MED27: variants seen among roughly 807,000 people sequenced by gnomAD.
The protein encoded by MED27 is mediator complex subunit 27.
MED27 carries 30 observed loss-of-function variants against 38.2 expected under a neutral mutation model. That is an observed-to-expected ratio of 0.79 (90% CI 0.59 to 1.07). The LOEUF (loss-of-function observed/expected upper bound fraction) is 1.07. Ranked by LOEUF, MED27 falls within the 50% of genes least tolerant of loss-of-function variation. The probability of loss-of-function intolerance (pLI) is 0.00; values close to 1 mark genes in which losing one functional copy is unlikely to be tolerated. For synonymous variants in MED27, 122 were observed against 153.5 expected (o/e 0.79, Z 1.52); for missense variants, 289 against 397.5 (o/e 0.73, Z 2.32).
chr9:131,909,957 A>G (rs1830157564), intron 4 of MED27, among the ~76,000 whole-genome samples: 2 of 152,248 alleles, frequency 1.3e-5, no homozygotes, highest in African/African-American at 4.8e-5. Flanking sequence ...AATTTTAAAT[A>G]AATTAAACTC....
chr9:131,912,286 A>C (rs1368863326), intron 4 of MED27, among the ~76,000 whole-genome samples: 1 of 152,228 alleles, frequency 6.6e-6, no homozygotes, highest in African/African-American at 2.4e-5. Flanking sequence ...AACTAAGGAA[A>C]GTGCTTAGCT....
At chr9:131,983,954 C>T (rs928698058) in intron 3 of MED27, among the ~76,000 whole-genome samples, 1 of 152,166 alleles carries the variant, frequency 6.6e-6, no homozygotes, top group Non-Finnish European at 1.5e-5. Context: ...ACTGATCCAG[C>T]TGTATTTGAT....
At chr9:132,076,326 G>A (rs967162106) in intron 2 of MED27, among the ~76,000 whole-genome samples, 2 of 151,844 alleles carry the variant, frequency 1.3e-5, no homozygotes, top group African/African-American at 4.8e-5. Flanking sequence ...CCAGAGTTTT[G>A]GGGAAAGGCT....
At position 132,021,829 on chromosome 9, in the gene MED27, C is replaced by A. The variant is rs948517338; in HGVS notation, c.349-7362G>T. Among the ~76,000 whole-genome samples, 28 of 152,242 alleles carry A rather than the reference C, an allele frequency of 1.8e-4. 1 individual carries two copies. Among genetic ancestry groups the A allele is most frequent in the African/African-American group, 6.3e-4 (26 of 41,528 alleles). Reference sequence around the variant, plus strand: ...TATAGGAAGAGGAAGAGGAAGAGATCAGATTTCTCTCTCTCCACCATGTGA... The same window carrying A: ...TATAGGAAGAGGAAGAGGAAGAGATAAGATTTCTCTCTCTCCACCATGTGA... On this transcript the variant is annotated intron_variant, in intron 2 of 7. Transcript: ENST00000292035.
chr9:132,002,923 AAAAAAG>A (rs979698714), intron 3 of MED27, among the ~76,000 whole-genome samples: 2 of 151,228 alleles, frequency 1.3e-5, no homozygotes, highest in Non-Finnish European at 3.0e-5. Flanking sequence ...TGTCTCAAAA[AAAAAAG>A]AAAAAAGAAA....
chr9:132,040,664 T>C (rs1203128771), intron 2 of MED27, among the ~76,000 whole-genome samples: 1 of 152,192 alleles, frequency 6.6e-6, no homozygotes, highest in Non-Finnish European at 1.5e-5. Context: ...GTCAAGGACA[T>C]GAAGGTCCCA....
chr9:132,030,462 A>T (rs1258313043), intron 2 of MED27, among the ~76,000 whole-genome samples: 1 of 152,208 alleles, frequency 6.6e-6, no homozygotes, highest in Non-Finnish European at 1.5e-5. Flanking sequence ...AAGAAAGGCC[A>T]GTCCTTTCTT....
chr9:131,985,233 C>G (rs551290853), intron 3 of MED27, among the ~76,000 whole-genome samples: 32 of 152,226 alleles, frequency 2.1e-4, no homozygotes, highest in Admixed American at 4.6e-4. Flanking sequence ...ACTCTGGCAT[C>G]CCCTTTCTTT....
At chr9:132,038,484 G>A (rs1324968318) in intron 2 of MED27, among the ~76,000 whole-genome samples, 2 of 150,694 alleles carry the variant, frequency 1.3e-5, no homozygotes, top group Non-Finnish European at 1.5e-5. Flanking sequence ...GAGCCACCGC[G>A]CCCGGCCGCC....
chr9:131,983,607 C>T (rs1831787240), intron 3 of MED27, among the ~76,000 whole-genome samples: 1 of 152,166 alleles, frequency 6.6e-6, no homozygotes, highest in Admixed American at 6.5e-5. Context: ...TAAAAATGTG[C>T]ATTTCAGGCA....
intron 3 of MED27, among the ~76,000 whole-genome samples, chr9:131,950,024 C>G (rs1182493003): frequency 6.6e-6 from 1 of 151,980 alleles, no homozygotes; most frequent in Non-Finnish European, 1.5e-5. Flanking sequence ...TACAAATTTA[C>G]TCAGGTATCT....
At chr9:131,977,173 G>A (rs187270246) in intron 3 of MED27, among the ~76,000 whole-genome samples, 25 of 152,236 alleles carry the variant, frequency 1.6e-4, no homozygotes, top group African/African-American at 2.6e-4. Flanking sequence ...CAGGAACTCC[G>A]CGTGTGCCAC....
At chr9:132,068,727 G>A (rs1833864953) in intron 2 of MED27, among the ~76,000 whole-genome samples, 1 of 151,730 alleles carries the variant, frequency 6.6e-6, no homozygotes, top group African/African-American at 2.4e-5. Flanking sequence ...TTTCAGTTCT[G>A]GACTGCTTCA....
rs541294965 is a variant in MED27, at chr9:131,934,738, A to G, written c.573+4643T>C. On this transcript the variant is annotated intron_variant, in intron 4 of 7. Transcript: ENST00000292035. ...TATACCCAAAAGAAAGGAAACCAGT[A>G]TATCAAAGAGATAGCTGCACCCCCA... Among the ~76,000 whole-genome samples, 13 of 152,366 alleles carry G rather than the reference A, an allele frequency of 8.5e-5. No individual in the cohort carries two copies. The South Asian group carries it at 2.7e-3, about 32-fold the overall frequency.
intron 3 of MED27, among the ~76,000 whole-genome samples, chr9:131,968,595 G>A (rs1420503639): frequency 6.6e-6 from 1 of 152,082 alleles, no homozygotes. Context: ...TCATTACTAA[G>A]GGGCAGAGAT....
chr9:131,933,197 G>C (rs752923331), intron 4 of MED27, among the ~76,000 whole-genome samples: 6 of 152,090 alleles, frequency 3.9e-5, no homozygotes, highest in Non-Finnish European at 8.8e-5. Flanking sequence ...TTTCCTCTAT[G>C]ATTTAGAACA....
At chr9:131,999,299 C>T (rs755923475) in intron 3 of MED27, among the ~76,000 whole-genome samples, 7 of 152,090 alleles carry the variant, frequency 4.6e-5, no homozygotes, top group African/African-American at 9.7e-5. Context: ...GCCGGGTCCA[C>T]GAAAAAGTTC....
At chr9:131,927,716 G>A (rs1830507934) in intron 4 of MED27, among the ~76,000 whole-genome samples, 1 of 152,136 alleles carries the variant, frequency 6.6e-6, no homozygotes. Context: ...ACAAAAAGCT[G>A]GTTTGGCTTT....
chr9:132,071,690 A>T (rs1833942031), intron 2 of MED27, among the ~76,000 whole-genome samples: 1 of 151,990 alleles, frequency 6.6e-6, no homozygotes, highest in Non-Finnish European at 1.5e-5. Context: ...ACACGTGTAT[A>T]CGAGTAACAC....
Sources: gnomAD v4.1 joint callset for allele counts (sites outside exome capture counted in the v4.1 genomes callset) on GRCh38, gnomAD v4.1.1 for gene constraint, MANE v1.5 for transcripts, NCBI Gene and HGNC (gene_info 2026-07-23, HGNC 2026-07-21) for gene names.